Variants in STAC observed in about 807,000 individuals in gnomAD.
The protein encoded by STAC is SH3 and cysteine-rich domain-containing protein.
STAC carries 43 observed loss-of-function variants against 48.8 expected under a neutral mutation model. That is an observed-to-expected ratio of 0.88 (90% CI 0.69 to 1.14). The LOEUF is 1.14. Among genes scored for constraint, STAC ranks in the 50% most tolerant of loss-of-function variants. The probability of loss-of-function intolerance (pLI) is 0.00; values close to 1 mark genes in which losing one functional copy is unlikely to be tolerated. For missense variants in STAC, 497 were observed against 504.0 expected (o/e 0.99, Z 0.13); for synonymous variants, 193 against 179.5 (o/e 1.07, Z -0.60).
intron 2 of STAC, among the ~76,000 whole-genome samples, chr3:36,467,801 T>C (rs1274758776): frequency 6.6e-6 from 1 of 152,110 alleles, no homozygotes; most frequent in Non-Finnish European, 1.5e-5. Flanking sequence ...TTGTTTCATT[T>C]ACCTTTTGTA....
At chr3:36,416,217 T>C (rs1700315838) in intron 1 of STAC, among the ~76,000 whole-genome samples, 1 of 152,212 alleles carries the variant, frequency 6.6e-6, no homozygotes, top group Non-Finnish European at 1.5e-5. Context: ...ATGCCTATAA[T>C]CTTAGCTACT....
chr3:36,530,664 C>T (rs756694013), intron 10 of STAC, among the ~76,000 whole-genome samples: 1 of 136,622 alleles, frequency 7.3e-6, no homozygotes, highest in Non-Finnish European at 1.5e-5. Context: ...GGCACAATCT[C>T]GGCTCACAGC....
intron 8 of STAC, among the ~76,000 whole-genome samples, chr3:36,509,254 T>G (rs1698477787): frequency 6.6e-6 from 1 of 152,212 alleles, no homozygotes; most frequent in African/African-American, 2.4e-5. Flanking sequence ...CTATACTCTC[T>G]TCTGGCTTCT....
intron 4 of STAC, 127 bp downstream of exon 4, chr3:36,485,185 G>A: frequency 1.6e-6 from 1 of 638,832 alleles, no homozygotes; most frequent in Non-Finnish European, 2.5e-6. Context: ...GCTATTTGGG[G>A]TATGACTGTG....
intron 1 of STAC, among the ~76,000 whole-genome samples, chr3:36,414,256 A>G (rs1700264386): frequency 6.6e-6 from 1 of 152,214 alleles, no homozygotes; most frequent in East Asian, 1.9e-4. Context: ...CCTGGATAAT[A>G]TCCTGCAGAG....
At chr3:36,434,261 T>A (rs1700774895) in intron 1 of STAC, among the ~76,000 whole-genome samples, 1 of 152,192 alleles carries the variant, frequency 6.6e-6, no homozygotes, top group South Asian at 2.1e-4. Context: ...GACAGGTATT[T>A]CCTCAATTCT....
intron 1 of STAC, among the ~76,000 whole-genome samples, chr3:36,431,403 C>T (rs1700701342): frequency 6.6e-6 from 1 of 152,142 alleles, no homozygotes. Context: ...GCTTTATGGC[C>T]ATGGCATCAG....
chr3:36,448,150 G>T (rs1463921824), intron 2 of STAC, among the ~76,000 whole-genome samples: 2 of 142,098 alleles, frequency 1.4e-5, no homozygotes, highest in African/African-American at 5.2e-5. Context: ...ACTAATTATG[G>T]TCACAGAATT....
At chr3:36,441,661 G>A (rs1397015486) in intron 1 of STAC, among the ~76,000 whole-genome samples, 1 of 152,110 alleles carries the variant, frequency 6.6e-6, no homozygotes, top group Admixed American at 6.5e-5. Flanking sequence ...GCTTTTAGAG[G>A]AACCCCCATA....
At chr3:36,424,408 T>C (rs931095321) in intron 1 of STAC, among the ~76,000 whole-genome samples, 1 of 152,194 alleles carries the variant, frequency 6.6e-6, no homozygotes, top group African/African-American at 2.4e-5. Context: ...GTTTTTAATA[T>C]TTCTACAGAT....
At chr3:36,419,064 A>AG (rs1700388598) in intron 1 of STAC, among the ~76,000 whole-genome samples, 1 of 151,402 alleles carries the variant, frequency 6.6e-6, no homozygotes. Context: ...AAAAAAAAAA[A>AG]GAAATTATCT....
At chr3:36,490,393 C>T (rs1032159851) in intron 5 of STAC, among the ~76,000 whole-genome samples, 4 of 152,152 alleles carry the variant, frequency 2.6e-5, no homozygotes, top group Non-Finnish European at 5.9e-5. Flanking sequence ...ACCCAGCAAT[C>T]AAAGGAAAAG....
chr3:36,409,420 A>G (rs888992155), intron 1 of STAC: 3 of 152,224 alleles, frequency 2.0e-5, no homozygotes, highest in Non-Finnish European at 4.4e-5. Flanking sequence ...AACAGTCGAT[A>G]TTCCCAATAT....
chr3:36,432,768 G>C (rs1442219059), intron 1 of STAC, among the ~76,000 whole-genome samples: 3 of 151,700 alleles, frequency 2.0e-5, no homozygotes, highest in Admixed American at 1.3e-4. Flanking sequence ...TGGACTTCAG[G>C]CATCTTTCGG....
intron 1 of STAC, among the ~76,000 whole-genome samples, chr3:36,424,696 A>G (rs1446961038): frequency 1.3e-5 from 2 of 152,154 alleles, no homozygotes; most frequent in African/African-American, 2.4e-5. Flanking sequence ...AAAGTAGGGA[A>G]GTGTTCAAAA....
intron 1 of STAC, 111 bp downstream of exon 1, chr3:36,380,865 G>C (rs898195166): frequency 3.0e-6 from 2 of 660,920 alleles, no homozygotes; most frequent in Non-Finnish European, 5.0e-6. Context: ...AGACTTGCTA[G>C]TTAGCCCAGG....
Position 36,486,214 on chromosome 3 carries a change from T to G in STAC, c.652T>G (p.Ser218Ala), listed in dbSNP as rs1169356376. 1 of 1,614,000 alleles carries G rather than the reference T, an allele frequency of 6.2e-7. No individual in the cohort carries two copies. The highest frequency in any genetic ancestry group is 8.5e-7 in the Non-Finnish European group (1 of 1,179,948). ...GGCCCAGAGGACAAAGAAGGGCAGC[T>G]CCGGCAGTGGCTCTGACTCACCTCA... ...SLAQRTKKGSSGSGSDSPHRT... is the reference protein window; with the variant it reads ...SLAQRTKKGSAGSGSDSPHRT... Residue 218 changes from serine to alanine, a missense_variant, in exon 5 of 11, where the codon TCC becomes GCC. Ser to Ala is a moderately conservative substitution (Grantham distance 99). Transcript: ENST00000273183.
chr3:36,399,738 C>A (rs1699963118), intron 1 of STAC, among the ~76,000 whole-genome samples: 1 of 152,158 alleles, frequency 6.6e-6, no homozygotes, highest in Non-Finnish European at 1.5e-5. Flanking sequence ...ACTCGAGAAT[C>A]TTGGAAAAAT....
At position 36,443,124 on chromosome 3, in the gene STAC, C is replaced by T. The variant is rs1280273451; in HGVS notation, c.112-240C>T. 6.6e-6 allele frequency among the ~76,000 whole-genome samples: 1 copy of T among 152,102 alleles called. No homozygotes were observed. Among genetic ancestry groups the T allele is most frequent in the East Asian group, 1.9e-4 (1 of 5,184 alleles). ...GGAGGCAGGGGAGGAGGAGCAGGGG[C>T]AGAATCAAAGGCAAAATAGGACCTC... On this transcript the variant is annotated intron_variant, in intron 1 of 10. Coordinates refer to ENST00000273183, the MANE Select transcript of STAC (RefSeq NM_003149.3). The surrounding 1 kb of genome is among the most constrained non-coding windows in gnomAD (Gnocchi z 4.2).
Sources: gnomAD v4.1 joint callset for allele counts (sites outside exome capture counted in the v4.1 genomes callset) on GRCh38, gnomAD v4.1.1 for gene constraint, Gnocchi (gnomAD v3.1) non-coding constraint, MANE v1.5 for transcripts, NCBI Gene and HGNC (gene_info 2026-07-23, HGNC 2026-07-21) for gene names.